The following C16orf46 variants were observed in gnomAD, a reference collection of about 807,000 sequenced individuals.
The protein encoded by C16orf46 is uncharacterized protein C16orf46.
A neutral mutation model predicts 5.5 loss-of-function variants in C16orf46; 7 were observed. That is an observed-to-expected ratio of 1.28 (90% confidence interval 0.73 to 2.40). The LOEUF is 2.40. Ranked by LOEUF, C16orf46 falls within the 30% of genes most tolerant of loss-of-function variation. The pLI, the probability that C16orf46 is intolerant of heterozygous loss-of-function variation, is 0.00. For synonymous variants in C16orf46, 200 were observed against 184.1 expected (o/e 1.09, Z -0.70); for missense variants, 614 against 476.0 (o/e 1.29, Z -2.70).
Position 81,069,403 on chromosome 16 carries a change from T to G in C16orf46, c.-127-3122A>C, listed in dbSNP as rs546960535. 2.0e-5 allele frequency among the ~76,000 whole-genome samples: 3 copies of G among 152,374 alleles called. No individual in the cohort carries two copies. The South Asian group carries it at 6.2e-4, about 32-fold the overall frequency. On this transcript the variant is annotated intron_variant, in intron 1 of 3. Coordinates refer to ENST00000299578, the MANE Select transcript of C16orf46 (RefSeq NM_152337.3). ...CTCCTGAACATGAACTGACAGAGGC[T>G]GCCTGCGTCGTTGGAAACCACAGCC...
intron 3 of C16orf46, chr16:81,055,259 G>C (rs1342726748): frequency 1.3e-5 from 2 of 152,146 alleles, no homozygotes; most frequent in Non-Finnish European, 2.9e-5. Context: ...TTCACATTTA[G>C]AGGTTTAGTG....
intron 1 of C16orf46, among the ~76,000 whole-genome samples, chr16:81,071,558 G>A (rs1971852055): frequency 6.6e-6 from 1 of 152,082 alleles, no homozygotes; most frequent in Non-Finnish European, 1.5e-5. Flanking sequence ...AACAGCCAGG[G>A]CAACACAGAG....
downstream of C16orf46, among the ~76,000 whole-genome samples, chr16:81,057,702 C>T (rs1263774332): frequency 1.0e-5 from 1 of 96,238 alleles, no homozygotes; most frequent in South Asian, 3.5e-4. Flanking sequence ...TTGTTTTTCA[C>T]ATTAGAAAGG....
chr16:81,069,012 T>C (rs1321209192), intron 1 of C16orf46, among the ~76,000 whole-genome samples: 1 of 152,156 alleles, frequency 6.6e-6, no homozygotes, highest in Non-Finnish European at 1.5e-5. Context: ...CCCTTCATAT[T>C]GTTTTGATAA....
chr16:81,064,746 C>CA lies in C16orf46; in HGVS notation c.-38-754dup, dbSNP rs35014883. On this transcript the variant is annotated intron_variant, in intron 2 of 3. Coordinates refer to ENST00000299578, the MANE Select transcript of C16orf46 (RefSeq NM_152337.3). The stretch of plus-strand genomic sequence containing the variant: ...TGGGCAACAGAGCAAGACTCTGTCT[C>CA]AAAAAAAAAAAAAAAAAGAAGATAT... 2.8e-3 allele frequency among the ~76,000 whole-genome samples: 339 copies of CA among 122,224 alleles called. 1 individual carries two copies. Among genetic ancestry groups the CA allele is most frequent in the African/African-American group, 9.6e-3 (319 of 33,162 alleles). The allele number at this position is 122,224 out of a possible 152,430, so 80.2% of individuals were successfully genotyped here.
At chr16:81,076,049 C>G (rs1008008104) in intron 1 of C16orf46, among the ~76,000 whole-genome samples, 2 of 152,168 alleles carry the variant, frequency 1.3e-5, no homozygotes, top group Non-Finnish European at 2.9e-5. Context: ...TTCTGGCAGC[C>G]TCATTTGGAA....
chr16:81,073,411 G>A (rs1043518598), intron 1 of C16orf46, among the ~76,000 whole-genome samples: 1 of 152,178 alleles, frequency 6.6e-6, no homozygotes, highest in African/African-American at 2.4e-5. Context: ...AATACCTGCT[G>A]CAATAAGCTC....
intron 3 of C16orf46, among the ~76,000 whole-genome samples, chr16:81,055,630 G>A (rs1971273192): frequency 6.6e-6 from 1 of 152,178 alleles, no homozygotes; most frequent in Non-Finnish European, 1.5e-5. Flanking sequence ...GCAGGCTAAG[G>A]CTGCAGTGAG....
chr16:81,059,256 G>A (rs1353683174), downstream of C16orf46, among the ~76,000 whole-genome samples: 7 of 143,296 alleles, frequency 4.9e-5, no homozygotes, highest in Non-Finnish European at 1.0e-4. Context: ...AGGAGGCGGA[G>A]GTTACAGTGA....
chr16:81,076,070 C>G (rs1313410099), intron 1 of C16orf46, among the ~76,000 whole-genome samples: 1 of 152,174 alleles, frequency 6.6e-6, no homozygotes, highest in South Asian at 2.1e-4. Context: ...TTTGAATGAA[C>G]GTTCCTGTGG....
intron 1 of C16orf46, among the ~76,000 whole-genome samples, chr16:81,068,393 C>A (rs954105595): frequency 6.6e-6 from 1 of 152,088 alleles, no homozygotes; most frequent in South Asian, 2.1e-4. Context: ...ATGAACGTAT[C>A]TCCTATTTAC....
chr16:81,061,815 G>A lies in C16orf46; in HGVS notation c.534C>T (p.Pro178=), dbSNP rs767371983. The A allele has an allele frequency of 1.5e-5, 24 of 1,614,040 alleles. No homozygotes were observed. The highest frequency in any genetic ancestry group is 1.6e-4 in the Middle Eastern group (1 of 6,084). The part of the protein sequence containing the change: ...FIWCNKDWAI[P]GTNRGKASGN... ...CAGAGGCCTTGCCCCTATTAGTGCCGGGGATGGCCCAGTCTTTGTTGCACC... is the reference window on the plus strand; with the variant it reads ...CAGAGGCCTTGCCCCTATTAGTGCCAGGGATGGCCCAGTCTTTGTTGCACC... The change falls in exon 4 of 4, where the codon CCC becomes CCT. Residue 178 remains proline (P), a synonymous_variant. Coordinates refer to ENST00000299578, the MANE Select transcript of C16orf46 (RefSeq NM_152337.3).
downstream of C16orf46, among the ~76,000 whole-genome samples, chr16:81,058,367 T>C (rs962257145): frequency 5.3e-5 from 8 of 152,236 alleles, no homozygotes; most frequent in Non-Finnish European, 1.0e-4. Context: ...GAGATTGAAC[T>C]TGAAAAGTTT....
At chr16:81,057,599 T>TAA (rs34329251), downstream of C16orf46, among the ~76,000 whole-genome samples, 30 of 145,558 alleles carry the variant, frequency 2.1e-4, no homozygotes, top group South Asian at 5.2e-3. Flanking sequence ...AGTCTTAGGT[T>TAA]AAAAAAAAAA....
At chr16:81,072,950 G>A (rs1272304227) in intron 1 of C16orf46, among the ~76,000 whole-genome samples, 1 of 152,090 alleles carries the variant, frequency 6.6e-6, no homozygotes, top group Non-Finnish European at 1.5e-5. Flanking sequence ...TGATCCGTCC[G>A]CCTCAGCCTC....
downstream of C16orf46, among the ~76,000 whole-genome samples, chr16:81,059,979 A>G (rs913057032): frequency 4.6e-5 from 7 of 151,596 alleles, no homozygotes; most frequent in East Asian, 1.9e-4. Flanking sequence ...TAGTAGAGAT[A>G]GGGTTTCACC....
rs16954549 is a variant in C16orf46, at chr16:81,068,167, T to G, written c.-127-1886A>C. ...AAGACTATCAAATGCTCCTTTGTTA[T>G]ACGTCCGGCAAAGTTAATGTAGCTT... On this transcript the variant is annotated intron_variant, in intron 1 of 3. Transcript: ENST00000299578. Among the ~76,000 whole-genome samples the G allele has an allele frequency of 7.6e-4, 116 of 152,352 alleles. 1 individual carries two copies. The East Asian group carries it at 0.016, about 22-fold the overall frequency.
At chr16:81,067,152 T>G (rs149618286) in intron 1 of C16orf46, among the ~76,000 whole-genome samples, 2 of 152,202 alleles carry the variant, frequency 1.3e-5, no homozygotes, top group African/African-American at 2.4e-5. Flanking sequence ...CTAAAAAATA[T>G]AGCCTATGGA....
intron 1 of C16orf46, chr16:81,076,368 T>C (rs574916287): frequency 7.2e-5 from 11 of 152,238 alleles, no homozygotes; most frequent in Admixed American, 2.6e-4. Flanking sequence ...TCCAAGAGTA[T>C]AAATTTTATC....
Sources: allele counts gnomAD v4.1 joint callset (sites outside exome capture counted in the v4.1 genomes callset), GRCh38; gene constraint gnomAD v4.1.1; transcripts MANE v1.5; gene names NCBI Gene and HGNC (gene_info 2026-07-23, HGNC 2026-07-21).